The following CACNA1I variants were observed in gnomAD, a reference collection of about 807,000 sequenced individuals.
The protein encoded by CACNA1I is calcium voltage-gated channel subunit alpha1 I, also known as voltage-dependent T-type calcium channel subunit alpha-1I.
In CACNA1I, 74 loss-of-function variants were observed where a neutral mutation model predicts 201.6. The ratio of observed to expected loss-of-function variants is 0.37; its 90% confidence interval spans 0.30 to 0.45. The LOEUF (loss-of-function observed/expected upper bound fraction) is 0.45, where lower values mean the gene tolerates loss of function less well. Among genes scored for constraint, CACNA1I ranks in the 20% least tolerant of loss-of-function variants. The pLI, the probability that CACNA1I is intolerant of heterozygous loss-of-function variation, is 1.00. For synonymous variants in CACNA1I, 1,431 were observed against 1,345.2 expected (o/e 1.06, Z -1.40); for missense variants, 2,346 against 3,138.1 (o/e 0.75, Z 6.03).
intron 10 of CACNA1I, among the ~76,000 whole-genome samples, chr22:39,654,148 C>T (rs1461182321): frequency 2.0e-5 from 3 of 152,198 alleles, no homozygotes; most frequent in Non-Finnish European, 2.9e-5. Context: ...AACTGAGGCT[C>T]AGTGAAGTAG....
At chr22:39,658,819 A>G (rs1224443947) in intron 11 of CACNA1I, 112 bp from the exon 12 acceptor site, 1 of 913,540 alleles carries the variant, frequency 1.1e-6, no homozygotes, top group Non-Finnish European at 1.7e-6. Context: ...AGATGGATGG[A>G]TGAATGGAAG....
Position 39,648,277 on chromosome 22 carries a change from C to T in CACNA1I, c.1567+351C>T, listed in dbSNP as rs780415879. Among the ~76,000 whole-genome samples the T allele has an allele frequency of 6.6e-6, 1 of 152,118 alleles. No individual in the cohort carries two copies. The highest frequency in any genetic ancestry group is 2.1e-4 in the South Asian group (1 of 4,832). ...GGCTCGGAGGAGGCCCCAGGTGGCCCGTGGGCAGGCCCGGCATGCGGACAC... is the reference window on the plus strand; with the variant it reads ...GGCTCGGAGGAGGCCCCAGGTGGCCTGTGGGCAGGCCCGGCATGCGGACAC... On this transcript the variant is annotated intron_variant, in intron 9 of 36. Coordinates refer to ENST00000402142, the MANE Select transcript of CACNA1I (RefSeq NM_021096.4). This position sits in a 1 kb window ranked among gnomAD's most constrained non-coding sequence, Gnocchi z 5.4.
In CACNA1I at chr22:39,662,043, C is replaced by G. The variant is rs1444202210; in HGVS notation, c.2980C>G (p.Leu994Val). The change falls in exon 17 of 37, where the codon CTC becomes GTC. Residue 994 changes from leucine to valine, a missense_variant. Physicochemically the swap from Leu to Val is conservative, Grantham distance 32 (BLOSUM62 1). Coordinates refer to ENST00000402142, the MANE Select transcript of CACNA1I (RefSeq NM_021096.4). ...CAGCCGTCGCTCCAGCTGGAACAGC[C>G]TCAAGCACAAGCCGCCGTCGGCGGA... Reference protein sequence around the residue: ...WASRRSSWNSLKHKPPSAEHE... With the variant: ...WASRRSSWNSVKHKPPSAEHE... 1 of 1,566,350 alleles carries G rather than the reference C, an allele frequency of 6.4e-7. No individual in the cohort carries two copies. Among genetic ancestry groups the G allele is most frequent in the Non-Finnish European group, 8.6e-7 (1 of 1,160,552 alleles).
At chr22:39,588,009 C>A (rs1377271340) in intron 1 of CACNA1I, among the ~76,000 whole-genome samples, 3 of 152,080 alleles carry the variant, frequency 2.0e-5, no homozygotes, top group Non-Finnish European at 4.4e-5. Context: ...TTCCTGGCCT[C>A]ATGTGATCTG....
At position 39,665,395 on chromosome 22, in the gene CACNA1I, C is replaced by G; in HGVS notation, c.3852-103C>G. The G allele has an allele frequency of 7.1e-7, 1 of 1,401,970 alleles. No individual in the cohort carries two copies. Among genetic ancestry groups the G allele is most frequent in the Non-Finnish European group, 9.8e-7 (1 of 1,023,036 alleles). 86.8% of individuals were successfully genotyped at this position (1,401,970 alleles called of 1,614,324 possible). On this transcript the variant is annotated intron_variant, in intron 21 of 36. Transcript: ENST00000402142. The surrounding 1 kb of genome is among the most constrained non-coding windows in gnomAD (Gnocchi z 5.5). ...GTTCAGCCCTGGTGAGCCCTGGGGA[C>G]TCATGCCCTGGGATACTCAGCCCTG...
chr22:39,620,012 TATCCATCCATCCATCC>T (rs564900279), intron 4 of CACNA1I, among the ~76,000 whole-genome samples: 12 of 92,812 alleles, frequency 1.3e-4, no homozygotes, highest in Non-Finnish European at 8.2e-5. Context: ...TCCACCTGTC[TATCCATCCATCCATCC>T]ATCCATCCAT....
intron 1 of CACNA1I, among the ~76,000 whole-genome samples, chr22:39,592,496 G>A (rs1036682184): frequency 3.3e-5 from 5 of 152,304 alleles, no homozygotes; most frequent in East Asian, 3.9e-4. Flanking sequence ...CTCTAACGAC[G>A]CTGGCAGGGC....
intron 10 of CACNA1I, among the ~76,000 whole-genome samples, chr22:39,652,034 G>A (rs1222100252): frequency 8.4e-6 from 1 of 119,186 alleles, no homozygotes; most frequent in Non-Finnish European, 1.6e-5. Context: ...CGGATCTGGT[G>A]GAGCCTTTTT....
chr22:39,642,342 TG>T (rs1934371597), intron 6 of CACNA1I, among the ~76,000 whole-genome samples: 1 of 151,838 alleles, frequency 6.6e-6, no homozygotes, highest in Non-Finnish European at 1.5e-5. Flanking sequence ...TGGGGTGGGG[TG>T]GGGGGTGACA....
intron 1 of CACNA1I, among the ~76,000 whole-genome samples, chr22:39,587,470 G>A (rs1204925752): frequency 6.6e-6 from 1 of 152,116 alleles, no homozygotes. Flanking sequence ...GTGTCATCTC[G>A]GGCAAGTGCT....
At chr22:39,647,642 G>A (rs1310591634) in intron 8 of CACNA1I, among the ~76,000 whole-genome samples, 180 bp from the exon 9 acceptor site, 1 of 152,028 alleles carries the variant, frequency 6.6e-6, no homozygotes, top group Non-Finnish European at 1.5e-5. Flanking sequence ...TCAAACTCCT[G>A]GGCTCACGTG....
intron 27 of CACNA1I, 64 bp from the exon 28 acceptor site, chr22:39,672,885 G>A: frequency 6.5e-7 from 1 of 1,535,196 alleles, no homozygotes; most frequent in South Asian, 1.3e-5. Context: ...CCCCACTAAG[G>A]TGTGTCTGAA....
Position 39,669,898 on chromosome 22 carries a change from C to G in CACNA1I, c.4195-140C>G, listed in dbSNP as rs531762198. On this transcript the variant is annotated intron_variant, in intron 24 of 36. Coordinates refer to ENST00000402142, the MANE Select transcript of CACNA1I (RefSeq NM_021096.4). ...AGGGTATTTACTTCTTACCTGCTGC[C>G]TCATTTAGACCTCACAGCCACCTTC... The G allele has an allele frequency of 3.9e-5, 35 of 886,214 alleles. No individual in the cohort carries two copies. The East Asian group carries it at 7.0e-4, about 18-fold the overall frequency. 54.9% of individuals were successfully genotyped at this position (886,214 alleles called of 1,614,324 possible). A position where few individuals can be genotyped will look rare whatever the true frequency, so the allele number is the denominator to read the frequency against.
Position 39,646,741 on chromosome 22 carries a change from A to C in CACNA1I, c.1322A>C (p.Tyr441Ser). Residue 441 changes from tyrosine (Y) to serine (S), a missense_variant, in exon 8 of 37, where the codon TAT (tyrosine) becomes TCT (serine). Transcript: ENST00000402142. ...GACTGCTACGAGGAGATCTTCCAGT[A>C]TGTCTGCCACATCCTGCGCAAGGCC... is the stretch of plus-strand genomic sequence containing the variant. ...PGDCYEEIFQ[Y>S]VCHILRKAKR... 1 of 1,597,938 alleles carries C rather than the reference A, an allele frequency of 6.3e-7. No homozygotes were observed. Among genetic ancestry groups the C allele is most frequent in the Non-Finnish European group, 8.5e-7 (1 of 1,172,662 alleles).
At chr22:39,657,677 TGTGAGGGGCTAAGTGAA>T (rs368515136) in intron 10 of CACNA1I, among the ~76,000 whole-genome samples, 3,457 of 152,302 alleles carry the variant, frequency 0.023, 130 homozygotes, top group African/African-American at 0.078. Flanking sequence ...GACGGGTTCT[TGTGAGGGGCTAAGTGAA>T]GTGATGGCTG....
intron 23 of CACNA1I, 37 bp from the exon 24 acceptor site, chr22:39,668,255 T>C (rs1460288348): frequency 7.6e-7 from 1 of 1,319,246 alleles, no homozygotes; most frequent in Admixed American, 1.7e-5. Context: ...TCACTCACAG[T>C]CCTCACCCCT....
chr22:39,577,706 G>A (rs749784012), intron 1 of CACNA1I, among the ~76,000 whole-genome samples: 1 of 152,250 alleles, frequency 6.6e-6, no homozygotes, highest in Non-Finnish European at 1.5e-5. Context: ...GGCGAGAAAC[G>A]ACGGTGGACC....
At chr22:39,582,648 C>T (rs1024080048) in intron 1 of CACNA1I, among the ~76,000 whole-genome samples, 1 of 151,946 alleles carries the variant, frequency 6.6e-6, no homozygotes, top group Admixed American at 6.6e-5. Context: ...GGTACAGTCA[C>T]ATAGACTTGG....
intron 4 of CACNA1I, among the ~76,000 whole-genome samples, chr22:39,621,005 AC>A (rs1933727934): frequency 6.6e-6 from 1 of 152,064 alleles, no homozygotes; most frequent in South Asian, 2.1e-4. Flanking sequence ...TGATCCACCC[AC>A]CTTGGCTTCC....
Sources: gnomAD v4.1 joint callset for allele counts (sites outside exome capture counted in the v4.1 genomes callset) on GRCh38, gnomAD v4.1.1 for gene constraint, Gnocchi (gnomAD v3.1) non-coding constraint, MANE v1.5 for transcripts, NCBI Gene and HGNC (gene_info 2026-07-23, HGNC 2026-07-21) for gene names.